NDST4: variants seen among roughly 807,000 people sequenced by gnomAD.
NDST4 encodes N-heparan sulfate sulfotransferase 4.
NDST4 carries 63 observed loss-of-function variants against 100.8 expected under a neutral mutation model. That is an observed-to-expected ratio of 0.62 (90% CI 0.51 to 0.77). NDST4 has a LOEUF of 0.77. NDST4 is among the 30% of genes least tolerant of loss of function. NDST4 has a pLI of 0.00. For missense variants in NDST4, 943 were observed against 1,018.4 expected (o/e 0.93, Z 1.01); for synonymous variants, 377 against 361.8 (o/e 1.04, Z -0.48).
At chr4:115,102,561 T>A (rs1729752094) in intron 1 of NDST4, among the ~76,000 whole-genome samples, 1 of 152,136 alleles carries the variant, frequency 6.6e-6, no homozygotes, top group South Asian at 2.1e-4. Context: ...TTTGTAATAT[T>A]TTAATTATTC....
At chr4:114,957,628 A>G (rs1450099570) in intron 4 of NDST4, among the ~76,000 whole-genome samples, 2 of 152,214 alleles carry the variant, frequency 1.3e-5, no homozygotes, top group Non-Finnish European at 2.9e-5. Context: ...GCATTAACTT[A>G]AAAGTCCACA....
At chr4:114,887,030 G>A (rs1486585498) in intron 6 of NDST4, among the ~76,000 whole-genome samples, 1 of 152,084 alleles carries the variant, frequency 6.6e-6, no homozygotes, top group Non-Finnish European at 1.5e-5. Flanking sequence ...GTACATAATG[G>A]CCACTAATCC....
intron 6 of NDST4, among the ~76,000 whole-genome samples, chr4:114,885,850 A>G (rs1578365462): frequency 6.6e-6 from 1 of 152,168 alleles, no homozygotes; most frequent in Non-Finnish European, 1.5e-5. Flanking sequence ...ATACATCTTT[A>G]TCTTGGGCTC....
intron 2 of NDST4, among the ~76,000 whole-genome samples, chr4:115,047,474 T>A (rs1175823176): frequency 6.6e-6 from 1 of 152,072 alleles, no homozygotes; most frequent in Non-Finnish European, 1.5e-5. Context: ...GTAATGAAAA[T>A]AGCATATATA....
At position 115,068,227 on chromosome 4, in the gene NDST4, T is replaced by C. The variant is rs1728993716; in HGVS notation, c.978+7832A>G. Among the ~76,000 whole-genome samples, 3 of 152,104 alleles carry C rather than the reference T, an allele frequency of 2.0e-5. No homozygotes were observed. The South Asian group carries it at 6.2e-4, about 32-fold the overall frequency. ...TTTTCACTTTATAGTTTTGAGCCTA[T>C]GGTTTTCAACTCATAAAATACATAG... On this transcript the variant is annotated intron_variant, in intron 2 of 13. Coordinates refer to ENST00000264363, the MANE Select transcript of NDST4 (RefSeq NM_022569.3).
intron 2 of NDST4, among the ~76,000 whole-genome samples, chr4:115,022,404 C>CATAT (rs374089657): frequency 5.2e-4 from 8 of 15,244 alleles, no homozygotes; most frequent in Middle Eastern, 0.025. Context: ...ATATGTGTTC[C>CATAT]ATATATATGT....
chr4:115,022,183 G>A (rs780631975), intron 2 of NDST4, among the ~76,000 whole-genome samples: 6 of 146,228 alleles, frequency 4.1e-5, no homozygotes, highest in South Asian at 2.1e-4. Flanking sequence ...GTCTATGCAC[G>A]TTCCATATAT....
intron 2 of NDST4, among the ~76,000 whole-genome samples, chr4:115,057,178 T>C (rs1186066500): frequency 6.6e-6 from 1 of 152,082 alleles, no homozygotes; most frequent in Non-Finnish European, 1.5e-5. Flanking sequence ...AGCAAATATA[T>C]CAATGGAGGT....
chr4:114,935,121 A>C, intron 6 of NDST4, 85 bp downstream of exon 6: 1 of 1,083,370 alleles, frequency 9.2e-7, no homozygotes, highest in Non-Finnish European at 1.2e-6. Flanking sequence ...AAAGAAAATA[A>C]ATATGATTTA....
chr4:114,833,631 G>C lies in NDST4; in HGVS notation c.2371C>G (p.Arg791Gly). 3 of 1,611,042 alleles carry C rather than the reference G, an allele frequency of 1.9e-6. No individual in the cohort carries two copies. Among genetic ancestry groups the C allele is most frequent in the Non-Finnish European group, 1.7e-6 (2 of 1,177,580 alleles). ...EVQKFLGVTP[R>G]YNYSEALTFD... ...GTTAGTGCTTCAGAGTAATTATAAC[G>C]AGGTGTAACTCCCAGAAACTTCTGG... Residue 791 changes from arginine (R) to glycine (G), a missense_variant, in exon 12 of 14, where the codon CGT becomes GGT. This residue lies in a region of NDST4 where 526 missense variants were observed against 634.1 expected (regional missense o/e 0.83). Transcript: ENST00000264363.
intron 2 of NDST4, among the ~76,000 whole-genome samples, chr4:114,985,908 C>T (rs1726889727): frequency 6.6e-6 from 1 of 152,058 alleles, no homozygotes; most frequent in African/African-American, 2.4e-5. Flanking sequence ...GGAGTCTGCT[C>T]CAAACAATGG....
At chr4:114,878,388 T>C (rs1041173767) in intron 6 of NDST4, among the ~76,000 whole-genome samples, 5 of 152,214 alleles carry the variant, frequency 3.3e-5, no homozygotes, top group African/African-American at 1.2e-4. Context: ...AAGTTTTTGG[T>C]TATTAATTTG....
chr4:115,013,403 G>T (rs1214887982), intron 2 of NDST4, among the ~76,000 whole-genome samples: 1 of 107,792 alleles, frequency 9.3e-6, no homozygotes, highest in Non-Finnish European at 2.0e-5. Context: ...TGTACCCACA[G>T]AAATTAAAAC....
At chr4:114,908,155 T>C (rs1724991350) in intron 6 of NDST4, among the ~76,000 whole-genome samples, 1 of 152,164 alleles carries the variant, frequency 6.6e-6, no homozygotes, top group African/African-American at 2.4e-5. Flanking sequence ...TAATCATGTA[T>C]AGGGCAATAT....
chr4:114,984,085 T>C (rs1040363599), intron 2 of NDST4, among the ~76,000 whole-genome samples: 1 of 152,172 alleles, frequency 6.6e-6, no homozygotes, highest in Non-Finnish European at 1.5e-5. Flanking sequence ...TAAACTTCTT[T>C]CTTTCTACAT....
chr4:114,939,794 G>A (rs1282875192), intron 4 of NDST4, among the ~76,000 whole-genome samples: 1 of 152,026 alleles, frequency 6.6e-6, no homozygotes, highest in Non-Finnish European at 1.5e-5. Context: ...CTGTTCATAA[G>A]GTCATCTTAT....
Position 114,867,247 on chromosome 4 carries a change from T to C in NDST4, c.1719+3521A>G, listed in dbSNP as rs114571754. Among the ~76,000 whole-genome samples the C allele has an allele frequency of 3.7e-3, 564 of 152,316 alleles. 4 individuals are homozygous for C. The highest frequency in any genetic ancestry group is 7.3e-3 in the Admixed American group (112 of 15,290). On this transcript the variant is annotated intron_variant, in intron 7 of 13. Transcript: ENST00000264363. Reference sequence around the variant, plus strand: ...ACATACTAATAGAATCTACAGTGTGTATGCCACTAGATCTTAAGATTTGTT... The same window carrying C: ...ACATACTAATAGAATCTACAGTGTGCATGCCACTAGATCTTAAGATTTGTT...
chr4:115,105,324 A>C (rs490103), intron 1 of NDST4, among the ~76,000 whole-genome samples: 109,486 of 151,996 alleles, frequency 0.72, 39,704 homozygotes, highest in Non-Finnish European at 0.74. Context: ...TCAAAAGAAT[A>C]GTAAAATAAT....
rs1048666746 is a variant in NDST4 at position 114,848,201 on chromosome 4, G to T, written c.1940+14C>A. Reference sequence around the variant, plus strand: ...GTGTTAATAATGGAATTTATTTTTTGTTATTTTTCTTACCAGTCTATTCCT... The same window carrying T: ...GTGTTAATAATGGAATTTATTTTTTTTTATTTTTCTTACCAGTCTATTCCT... On this transcript the variant is annotated intron_variant, in intron 9 of 13. Transcript: ENST00000264363. The T allele has an allele frequency of 6.3e-7, 1 of 1,582,546 alleles. No homozygotes were observed. Among genetic ancestry groups the T allele is most frequent in the African/African-American group, 1.4e-5 (1 of 73,262 alleles).
Sources: gnomAD v4.1 joint callset for allele counts (sites outside exome capture counted in the v4.1 genomes callset) on GRCh38, gnomAD v4.1.1 for gene constraint, gnomAD v4.1.1 regional missense constraint, MANE v1.5 for transcripts, NCBI Gene and HGNC (gene_info 2026-07-23, HGNC 2026-07-21) for gene names.